Variants in PRKN observed in about 807,000 individuals in gnomAD.
PRKN encodes the protein parkin RBR E3 ubiquitin protein ligase, also known as E3 ubiquitin-protein ligase parkin.
PRKN carries 56 observed loss-of-function variants against 59.5 expected under a neutral mutation model. That is an observed-to-expected ratio of 0.94 (90% confidence interval 0.76 to 1.18). The LOEUF is 1.18. Ranked by LOEUF, PRKN falls within the 50% of genes most tolerant of loss-of-function variation. PRKN has a pLI of 0.00. For synonymous variants in PRKN, 250 were observed against 222.1 expected, an observed-to-expected ratio of 1.13 and a Z score of -1.12; for missense variants, 657 against 596.4, an observed-to-expected ratio of 1.10 and a Z score of -1.06.
chr6:162,421,917 T>G (rs1353060093), intron 2 of PRKN, among the ~76,000 whole-genome samples: 1 of 152,188 alleles, frequency 6.6e-6, no homozygotes, highest in Non-Finnish European at 1.5e-5. Flanking sequence ...TAAAAATAAT[T>G]TATCTAAATA....
At chr6:162,430,379 G>A (rs1162779903) in intron 2 of PRKN, among the ~76,000 whole-genome samples, 1 of 152,078 alleles carries the variant, frequency 6.6e-6, no homozygotes. Flanking sequence ...GGTCAAAATG[G>A]CATAAGCTAC....
chr6:162,315,638 C>G (rs1211037379), intron 2 of PRKN, among the ~76,000 whole-genome samples: 3 of 152,124 alleles, frequency 2.0e-5, no homozygotes, highest in African/African-American at 7.2e-5. Flanking sequence ...TCTCCATGGG[C>G]ATTCACTACC....
At position 161,569,384 on chromosome 6, in the gene PRKN, GGAGCTCT is replaced by G. The variant is rs1780782965; in HGVS notation, c.897_903del (p.Lys299AsnfsTer134). On this transcript the variant is annotated frameshift_variant, in exon 8 of 12. Transcript: ENST00000366898. LOFTEE classifies it high-confidence loss of function. ...TCTTCTCCCAGAATCCTGAAGTGAT[GGAGCTCT>G]TTAATCAAGGAGTTGGGACAGCCAG... 6.2e-7 allele frequency: 1 copy of G among 1,613,844 alleles called. No individual in the cohort carries two copies. Among genetic ancestry groups the G allele is most frequent in the African/African-American group, 1.3e-5 (1 of 74,930 alleles).
intron 3 of PRKN, among the ~76,000 whole-genome samples, chr6:162,213,700 A>G (rs1017834671): frequency 4.6e-5 from 7 of 152,014 alleles, no homozygotes; most frequent in Admixed American, 3.3e-4. Flanking sequence ...GTGTCACTGC[A>G]CTTCAGCCTG....
intron 4 of PRKN, among the ~76,000 whole-genome samples, chr6:162,156,748 C>T (rs1228770379): frequency 2.0e-5 from 3 of 152,144 alleles, no homozygotes; most frequent in African/African-American, 7.2e-5. Context: ...CAATACTTTG[C>T]ATCCTTCAAT....
intron 5 of PRKN, among the ~76,000 whole-genome samples, chr6:162,014,682 T>C (rs1782867389): frequency 6.6e-6 from 1 of 152,136 alleles, no homozygotes. Flanking sequence ...CATTAAGGGC[T>C]TGTTGCTTTA....
intron 1 of PRKN, among the ~76,000 whole-genome samples, chr6:162,450,398 C>T (rs143258121): frequency 5.9e-4 from 82 of 139,918 alleles, no homozygotes; most frequent in African/African-American, 2.1e-3. Flanking sequence ...TGAATGTAAA[C>T]GCCCCTATGA....
At chr6:161,797,201 A>G (rs1419607841) in intron 6 of PRKN, among the ~76,000 whole-genome samples, 3 of 152,148 alleles carry the variant, frequency 2.0e-5, no homozygotes, top group African/African-American at 7.2e-5. Flanking sequence ...TCATTCTTAA[A>G]ATGAATGAAT....
intron 1 of PRKN, among the ~76,000 whole-genome samples, chr6:162,614,874 G>A (rs1360436325): frequency 6.6e-6 from 1 of 152,092 alleles, no homozygotes; most frequent in Non-Finnish European, 1.5e-5. Flanking sequence ...AAGATTATAG[G>A]CAATGCTCCA....
chr6:162,375,884 G>C (rs1786043037), intron 2 of PRKN, among the ~76,000 whole-genome samples: 1 of 151,868 alleles, frequency 6.6e-6, no homozygotes, highest in Non-Finnish European at 1.5e-5. Context: ...TGGACCCACG[G>C]TTCTTGTCTG....
intron 9 of PRKN, among the ~76,000 whole-genome samples, chr6:161,415,958 C>G (rs1787830342): frequency 6.6e-6 from 1 of 152,008 alleles, no homozygotes; most frequent in Non-Finnish European, 1.5e-5. Flanking sequence ...GGTGCCCACC[C>G]AGCTGGCTCC....
At chr6:161,851,419 TTACTA>T (rs1793428444) in intron 6 of PRKN, among the ~76,000 whole-genome samples, 1 of 152,142 alleles carries the variant, frequency 6.6e-6, no homozygotes, top group African/African-American at 2.4e-5. Context: ...AATAAGCCGA[TTACTA>T]TATTATGTTT....
chr6:162,288,550 G>T (rs1295847161), intron 2 of PRKN, among the ~76,000 whole-genome samples: 1 of 152,108 alleles, frequency 6.6e-6, no homozygotes, highest in Non-Finnish European at 1.5e-5. Context: ...AAGTGACAGA[G>T]ACTTCACGTT....
intron 4 of PRKN, among the ~76,000 whole-genome samples, chr6:162,189,730 A>G (rs1045301594): frequency 2.6e-5 from 4 of 152,026 alleles, no homozygotes; most frequent in African/African-American, 9.6e-5. Context: ...TATTTTTATG[A>G]TAACATTGAA....
At chr6:162,212,190 T>C (rs1279203408) in intron 3 of PRKN, among the ~76,000 whole-genome samples, 2 of 152,108 alleles carry the variant, frequency 1.3e-5, no homozygotes, top group Admixed American at 1.3e-4. Context: ...CACTCCTTGC[T>C]GTAAGTTCCC....
At chr6:162,515,931 G>A (rs1222847753) in intron 1 of PRKN, among the ~76,000 whole-genome samples, 1 of 152,180 alleles carries the variant, frequency 6.6e-6, no homozygotes, top group Non-Finnish European at 1.5e-5. Context: ...TCTATAAGAG[G>A]AGTCCCAGGA....
chr6:161,592,794 C>T lies in PRKN; in HGVS notation c.872-23378G>A, dbSNP rs933969650. On this transcript the variant is annotated intron_variant, in intron 7 of 11. Transcript: ENST00000366898. The surrounding 1 kb of genome is among the most constrained non-coding windows in gnomAD (Gnocchi z 4.8). ...AACACAAGCAGAGCAGACAGGTCTG[C>T]GGGCCAGGGTGCCGCCAGGATAGGA... Among the ~76,000 whole-genome samples the T allele has an allele frequency of 1.1e-4, 16 of 152,156 alleles. No individual in the cohort carries two copies. The highest frequency in any genetic ancestry group is 3.9e-4 in the East Asian group (2 of 5,130).
rs1384345681 is a variant in PRKN at position 161,378,271 on chromosome 6, C to T, written c.1167+8523G>A. 6.6e-6 allele frequency among the ~76,000 whole-genome samples: 1 copy of T among 152,148 alleles called. No individual in the cohort carries two copies. The highest frequency in any genetic ancestry group is 1.5e-5 in the Non-Finnish European group (1 of 68,026). On this transcript the variant is annotated intron_variant, in intron 10 of 11. Transcript: ENST00000366898. The surrounding 1 kb of genome is among the most constrained non-coding windows in gnomAD (Gnocchi z 7.3). ...GCCAGTGGACCACTGCCAGCCTCCG[C>T]CACTGGCCACAGCAGTCCTGGGCCA...
intron 1 of PRKN, among the ~76,000 whole-genome samples, chr6:162,680,988 A>G (rs1779748887): frequency 6.6e-6 from 1 of 152,226 alleles, no homozygotes; most frequent in South Asian, 2.1e-4. Flanking sequence ...ATTTTAAAAC[A>G]TAAGACACAA....
Sources: gnomAD v4.1 joint callset for allele counts (sites outside exome capture counted in the v4.1 genomes callset) on GRCh38, gnomAD v4.1.1 for gene constraint, Gnocchi (gnomAD v3.1) non-coding constraint, MANE v1.5 for transcripts, NCBI Gene and HGNC (gene_info 2026-07-23, HGNC 2026-07-21) for gene names.